Variants in ANKRD36 observed in about 807,000 individuals in gnomAD.
ANKRD36 encodes the protein ankyrin repeat domain-containing protein 36A.
ANKRD36 carries 179 observed loss-of-function variants against 278.1 expected under a neutral mutation model. That is an observed-to-expected ratio of 0.64 (90% CI 0.57 to 0.73). The LOEUF is 0.73. Among genes scored for constraint, ANKRD36 ranks in the 30% least tolerant of loss-of-function variants. The pLI is 0.00. For synonymous variants in ANKRD36, 320 were observed against 641.1 expected (o/e 0.50, Z 7.57); for missense variants, 1,159 against 1,956.7 (o/e 0.59, Z 7.69).
chr2:97,242,848 CGTCCTTTTTCATAATATTTGCTAGA>C (rs2074727448), intron 69 of ANKRD36, among the ~76,000 whole-genome samples: 2 of 115,610 alleles, frequency 1.7e-5, no homozygotes, highest in Admixed American at 2.1e-4. Context: ...TAATTTTCAA[CGTCCTTTTTCATAATATTTGCTAGA>C]GTTACTAGTA....
chr2:97,158,469 T>C (rs1293140708), intron 16 of ANKRD36, 119 bp from the exon 17 acceptor site: 2 of 1,019,062 alleles, frequency 2.0e-6, no homozygotes, highest in African/African-American at 3.2e-5. Context: ...TCATATGATC[T>C]GCCTGCATTG....
At chr2:97,218,297 G>C (rs1195417189) in intron 64 of ANKRD36, among the ~76,000 whole-genome samples, 1 of 148,014 alleles carries the variant, frequency 6.8e-6, no homozygotes, top group African/African-American at 2.5e-5. Flanking sequence ...AAATGTATAA[G>C]TTTATTAATA....
At chr2:97,202,669 T>G (rs1192377842) in intron 48 of ANKRD36, among the ~76,000 whole-genome samples, 3 of 151,832 alleles carry the variant, frequency 2.0e-5, no homozygotes, top group Non-Finnish European at 2.9e-5. Context: ...AGCATAGTTT[T>G]GCTTTAATCC....
At chr2:97,182,835 G>C (rs1171791833) in intron 26 of ANKRD36, among the ~76,000 whole-genome samples, 1 of 151,628 alleles carries the variant, frequency 6.6e-6, no homozygotes, top group Non-Finnish European at 1.5e-5. Context: ...GCCTAAACTA[G>C]AGGACACAAC....
intron 6 of ANKRD36, among the ~76,000 whole-genome samples, chr2:97,138,500 C>A (rs990250102): frequency 3.3e-5 from 5 of 152,012 alleles, no homozygotes; most frequent in African/African-American, 1.2e-4. Flanking sequence ...TTGAAAATGG[C>A]CATACTGCCC....
rs1457069314 is a variant in ANKRD36, at chr2:97,224,436, G to GTT, written c.3878-364_3878-363dup. The stretch of plus-strand genomic sequence containing the variant: ...CTGGTTTTAGAAAGACTATCGTTTT[G>GTT]TTTTTTTGTTTTTTTGTTTTTTTTT... On this transcript the variant is annotated intron_variant, in intron 66 of 75. Transcript: ENST00000420699. Among the ~76,000 whole-genome samples, 162 of 142,402 alleles carry GTT rather than the reference G, an allele frequency of 1.1e-3. 1 individual carries two copies. Among genetic ancestry groups the GTT allele is most frequent in the Non-Finnish European group, 1.6e-3 (109 of 66,240 alleles). 93.4% of individuals were successfully genotyped at this position (142,402 alleles called of 152,430 possible).
At chr2:97,213,491 T>G (rs1482527738) in intron 59 of ANKRD36, 44 bp downstream of exon 59, 1 of 553,488 alleles carries the variant, frequency 1.8e-6, no homozygotes, top group African/African-American at 2.9e-5. Flanking sequence ...AACTGTGTGG[T>G]CTATGAAACA....
chr2:97,131,835 A>AT (rs915606778), intron 6 of ANKRD36, among the ~76,000 whole-genome samples: 26 of 147,150 alleles, frequency 1.8e-4, no homozygotes, highest in East Asian at 4.0e-4. Flanking sequence ...TTATTAATAG[A>AT]TTTTTTTTTT....
rs184496454 is a variant in ANKRD36 at position 97,185,376 on chromosome 2, G to A, written c.1968+32G>A. On this transcript the variant is annotated intron_variant, in intron 29 of 75. Coordinates refer to ENST00000420699, the MANE Select transcript of ANKRD36 (RefSeq NM_001354587.1). ...AAACTCTCATTTATATTTTGTATTAGTAACTGTATAGTCCATGAAACATAC... is the reference window on the plus strand; with the variant it reads ...AAACTCTCATTTATATTTTGTATTAATAACTGTATAGTCCATGAAACATAC... 9 of 1,609,194 alleles carry A rather than the reference G, an allele frequency of 5.6e-6. 1 individual carries two copies. The highest frequency in any genetic ancestry group is 3.3e-4 in the Middle Eastern group (2 of 6,038).
rs1473158769 is a variant in ANKRD36 at position 97,230,710 on chromosome 2, G to T, written c.3952-3020G>T. On this transcript the variant is annotated intron_variant, in intron 67 of 75. Transcript: ENST00000420699. ...ACTGCATTCCTTTGGAAGAGGAGAGGCGCTCTGCTTTTTAGAGTTTCCAGT... is the reference window on the plus strand; with the variant it reads ...ACTGCATTCCTTTGGAAGAGGAGAGTCGCTCTGCTTTTTAGAGTTTCCAGT... Among the ~76,000 whole-genome samples, 6 of 152,190 alleles carry T rather than the reference G, an allele frequency of 3.9e-5. No homozygotes were observed. In the South Asian group the frequency reaches 1.3e-3, roughly 32 times the overall value.
At chr2:97,140,028 T>TTG (rs921575888) in intron 6 of ANKRD36, among the ~76,000 whole-genome samples, 2 of 147,122 alleles carry the variant, frequency 1.4e-5, no homozygotes, top group African/African-American at 5.0e-5. Context: ...GTGTGTGTGT[T>TTG]TGTGTGTGTG....
At chr2:97,219,912 T>C (rs1450423013) in intron 66 of ANKRD36, among the ~76,000 whole-genome samples, 1 of 146,328 alleles carries the variant, frequency 6.8e-6, no homozygotes, top group African/African-American at 2.6e-5. Flanking sequence ...TTTGTTTTGC[T>C]TTAAAAGTCA....
At chr2:97,215,799 T>C (rs1272037299) in intron 62 of ANKRD36, 2 of 641,564 alleles carry the variant, frequency 3.1e-6, no homozygotes, top group African/African-American at 3.7e-5. Context: ...CAAGTTTCCA[T>C]CAAGAGGGGA....
In ANKRD36 at chr2:97,217,446, G is replaced by T. The variant is rs1228935399; in HGVS notation, c.3775+74G>T. The T allele has an allele frequency of 9.7e-6, 15 of 1,538,846 alleles. No homozygotes were observed. In the East Asian group the frequency reaches 2.5e-4, roughly 26 times the overall value. ...CAACATCCCACCCCTGAATAGATCA[G>T]CAGGGTGCTCATTGAAAATGCACTT... is the stretch of plus-strand genomic sequence containing the variant. On this transcript the variant is annotated intron_variant, in intron 64 of 75. Transcript: ENST00000420699.
rs1179255268 is a variant in ANKRD36 at position 97,190,794 on chromosome 2, G to A, written c.2246-184G>A. On this transcript the variant is annotated intron_variant, in intron 34 of 75. Transcript: ENST00000420699. Reference sequence around the variant, plus strand: ...AAACTGTAAGGATATATTTCATGGAGCCTGTATTCCCTTTTACCAGTGTAT... The same window carrying A: ...AAACTGTAAGGATATATTTCATGGAACCTGTATTCCCTTTTACCAGTGTAT... 2.6e-5 allele frequency among the ~76,000 whole-genome samples: 4 copies of A among 151,680 alleles called. No homozygotes were observed. The South Asian group carries it at 6.3e-4, about 24-fold the overall frequency.
chr2:97,156,620 T>G (rs2153478163), intron 15 of ANKRD36, among the ~76,000 whole-genome samples: 1 of 136,606 alleles, frequency 7.3e-6, no homozygotes, highest in Middle Eastern at 3.6e-3. Flanking sequence ...CAGTCTATCA[T>G]TGTTGGACAT....
At chr2:97,204,432 A>G (rs560917566) in intron 50 of ANKRD36, among the ~76,000 whole-genome samples, 169 bp downstream of exon 50, 16 of 151,684 alleles carry the variant, frequency 1.1e-4, no homozygotes, top group Non-Finnish European at 2.2e-4. Flanking sequence ...GCTGGTCTGG[A>G]ACATGATCTT....
chr2:97,205,154 T>C (rs1331552513), intron 50 of ANKRD36, among the ~76,000 whole-genome samples: 1 of 151,712 alleles, frequency 6.6e-6, no homozygotes, highest in Non-Finnish European at 1.5e-5. Flanking sequence ...TCAATGAATA[T>C]TGGAATGATT....
chr2:97,211,215 C>T lies in ANKRD36; in HGVS notation c.3368-331C>T, dbSNP rs188850141. ...TGTAGCACCTGCTTTGACATTGATT[C>T]TCAGGTGTATGAGTTGCTCCTCTGA... On this transcript the variant is annotated intron_variant, in intron 56 of 75. Transcript: ENST00000420699. Among the ~76,000 whole-genome samples, 475 of 151,906 alleles carry T rather than the reference C, an allele frequency of 3.1e-3. 1 individual carries two copies. The highest frequency in any genetic ancestry group is 3.8e-3 in the South Asian group (18 of 4,786).
Sources: allele counts gnomAD v4.1 joint callset (sites outside exome capture counted in the v4.1 genomes callset), GRCh38; gene constraint gnomAD v4.1.1; transcripts MANE v1.5; gene names NCBI Gene and HGNC (gene_info 2026-07-23, HGNC 2026-07-21).